SETD2: variants seen among roughly 807,000 people sequenced by gnomAD.
The protein encoded by SETD2 is SET domain containing 2, histone lysine methyltransferase, also known as histone-lysine N-methyltransferase SETD2.
SETD2 carries 31 observed loss-of-function variants against 242.1 expected under a neutral mutation model. The ratio of observed to expected loss-of-function variants is 0.13; its 90% CI spans 0.10 to 0.17. The LOEUF is 0.17. Ranked by LOEUF, SETD2 falls within the 10% of genes least tolerant of loss-of-function variation. The probability of loss-of-function intolerance (pLI) is 1.00; values close to 1 mark genes in which losing one functional copy is unlikely to be tolerated. For synonymous variants in SETD2, 1,006 were observed against 1,066.5 expected (o/e 0.94, Z 1.11); for missense variants, 2,481 against 3,046.3 (o/e 0.81, Z 4.37).
At chr3:47,125,084 C>G (rs544242309) in intron 2 of SETD2, among the ~76,000 whole-genome samples, 2 of 151,862 alleles carry the variant, frequency 1.3e-5, no homozygotes, top group Admixed American at 1.3e-4. Flanking sequence ...CTTGGGAGGC[C>G]GAGGCGGGAG....
intron 1 of SETD2, chr3:47,145,653 T>C: frequency 3.7e-6 from 1 of 267,606 alleles, no homozygotes; most frequent in Non-Finnish European, 8.1e-6. Flanking sequence ...TTTTGGAGCA[T>C]TTCAGATTTC....
Position 47,121,329 on chromosome 3 carries a change from C to T in SETD2, c.3307G>A (p.Asp1103Asn), listed in dbSNP as rs2043076525. Residue 1103 changes from aspartate (D) to asparagine (N), a missense_variant, in exon 3 of 21, where the codon GAT becomes AAT. Physicochemically the swap from Asp to Asn is conservative, Grantham distance 23. Around this residue, in one of 17 missense-constraint regions of SETD2, gnomAD observed 1,300 missense variants for 1,259.2 expected, o/e 1.03. Transcript: ENST00000409792. Reference sequence around the variant, plus strand: ...TGTCTCCTTGACTCCAATCTCTCATCTTCCCAATGGTCAGAATAGTGTCTA... The same window carrying T: ...TGTCTCCTTGACTCCAATCTCTCATTTTCCCAATGGTCAGAATAGTGTCTA... ...SYRHYSDHWE[D>N]ERLESRRHLY... 6.2e-7 allele frequency: 1 copy of T among 1,611,344 alleles called. No individual in the cohort carries two copies. Among genetic ancestry groups the T allele is most frequent in the Non-Finnish European group, 8.5e-7 (1 of 1,180,010 alleles).
intron 3 of SETD2, 67 bp from the exon 4 acceptor site, chr3:47,116,821 C>T: frequency 1.8e-6 from 2 of 1,112,004 alleles, no homozygotes; most frequent in South Asian, 1.4e-5. Context: ...CATATATAAT[C>T]AAATATGTGC....
In SETD2 at chr3:47,122,782, T is replaced by G. The variant is rs2043154023; in HGVS notation, c.1854A>C (p.Ser618=). Residue 618 remains serine (S), a synonymous_variant, in exon 3 of 21, where the codon TCA becomes TCC. Coordinates refer to ENST00000409792, the MANE Select transcript of SETD2 (RefSeq NM_014159.7). The part of the protein sequence containing the change: ...EREKAGSPAP[S]NRLNDSPTLK... ...AAGTAGGTGAATCATTTAATCGATTTGATGGAGCTGGAGACCCAGCCTTTT... is the reference window on the plus strand; with the variant it reads ...AAGTAGGTGAATCATTTAATCGATTGGATGGAGCTGGAGACCCAGCCTTTT... The G allele has an allele frequency of 6.2e-7, 1 of 1,611,360 alleles. No individual in the cohort carries two copies. Among genetic ancestry groups the G allele is most frequent in the Non-Finnish European group, 8.5e-7 (1 of 1,179,318 alleles).
At chr3:47,088,632 T>C (rs1028953954) in intron 9 of SETD2, among the ~76,000 whole-genome samples, 1 of 152,114 alleles carries the variant, frequency 6.6e-6, no homozygotes. Context: ...ATAAATATGA[T>C]GAATGGGTTT....
intron 12 of SETD2, among the ~76,000 whole-genome samples, chr3:47,076,330 T>C (rs553905574): frequency 4.5e-4 from 68 of 152,278 alleles, no homozygotes; most frequent in African/African-American, 1.6e-3. Flanking sequence ...TGGCCAGGCA[T>C]GCAAGCCACG....
intron 1 of SETD2, among the ~76,000 whole-genome samples, chr3:47,136,679 T>C (rs2043595993): frequency 6.6e-6 from 1 of 152,018 alleles, no homozygotes; most frequent in Non-Finnish European, 1.5e-5. Context: ...GGGGGCTGGG[T>C]GCCGTGGCTC....
At chr3:47,079,245 T>TA (rs1192074775) in intron 12 of SETD2, among the ~76,000 whole-genome samples, 2 of 152,252 alleles carry the variant, frequency 1.3e-5, no homozygotes, top group African/African-American at 4.8e-5. Context: ...ATGGTTACTA[T>TA]AAGACTTAAA....
chr3:47,100,260 T>A (rs895095016), intron 8 of SETD2, among the ~76,000 whole-genome samples: 1 of 150,878 alleles, frequency 6.6e-6, no homozygotes, highest in Admixed American at 6.6e-5. Context: ...AGTTTTTTGT[T>A]CGTTTGCTTT....
At position 47,039,919 on chromosome 3, in the gene SETD2, C is replaced by T. The variant is rs192778043; in HGVS notation, c.7239-2142G>A. Among the ~76,000 whole-genome samples the T allele has an allele frequency of 2.0e-3, 299 of 151,452 alleles. 3 individuals are homozygous for T. Among genetic ancestry groups the T allele is most frequent in the African/African-American group, 6.6e-3 (273 of 41,290 alleles). ...AAAAAAAAGTTCTGGTTAAACCACA[C>T]GTGGTTTTTAAAATCATTACACATT... On this transcript the variant is annotated intron_variant, in intron 17 of 20. Transcript: ENST00000409792.
chr3:47,098,874 G>A lies in SETD2; in HGVS notation c.5016-793C>T, dbSNP rs188306992. Among the ~76,000 whole-genome samples the A allele has an allele frequency of 1.7e-3, 266 of 152,212 alleles. 5 individuals are homozygous for A. Among genetic ancestry groups the A allele is most frequent in the Non-Finnish European group, 2.4e-4 (16 of 68,008 alleles). On this transcript the variant is annotated intron_variant, in intron 8 of 20. Transcript: ENST00000409792. The stretch of plus-strand genomic sequence containing the variant: ...AGGATATGATAGTGGCAATTAGAGG[G>A]ATAAAAATAAATTGTTCAATAAGTA...
intron 18 of SETD2, among the ~76,000 whole-genome samples, chr3:47,022,544 A>C (rs759804150): frequency 2.0e-5 from 3 of 152,210 alleles, no homozygotes; most frequent in Non-Finnish European, 4.4e-5. Context: ...ACCAGAGAAC[A>C]GGGTAGGGGC....
chr3:47,046,766 C>A, intron 15 of SETD2, 145 bp from the exon 16 acceptor site: 6 of 574,366 alleles, frequency 1.0e-5, no homozygotes, highest in Non-Finnish European at 1.0e-5. Context: ...ATGTGCAAAA[C>A]AATTTTTTGT....
chr3:47,110,707 A>G (rs754125714), intron 5 of SETD2, among the ~76,000 whole-genome samples: 3 of 152,206 alleles, frequency 2.0e-5, no homozygotes, highest in Non-Finnish European at 4.4e-5. Flanking sequence ...TTCATAAACT[A>G]TTGGTATTAC....
chr3:47,118,542 T>G (rs906095932), intron 3 of SETD2, among the ~76,000 whole-genome samples: 2 of 151,414 alleles, frequency 1.3e-5, no homozygotes, highest in Non-Finnish European at 2.9e-5. Context: ...GCCAACATGG[T>G]GAAACCCATC....
At chr3:47,053,962 A>G (rs1197218901) in intron 15 of SETD2, among the ~76,000 whole-genome samples, 2 of 152,248 alleles carry the variant, frequency 1.3e-5, no homozygotes, top group African/African-American at 4.8e-5. Flanking sequence ...CTCATTTTAT[A>G]GATGAGAAAA....
intron 14 of SETD2, among the ~76,000 whole-genome samples, chr3:47,058,190 G>C (rs1172917810): frequency 6.6e-6 from 1 of 151,950 alleles, no homozygotes; most frequent in Non-Finnish European, 1.5e-5. Context: ...TCAAAAATGA[G>C]GGAGAGGCCA....
chr3:47,079,347 T>C (rs2041232294), intron 12 of SETD2, among the ~76,000 whole-genome samples: 2 of 152,178 alleles, frequency 1.3e-5, no homozygotes, highest in African/African-American at 4.8e-5. Context: ...TGATCACTTC[T>C]AGCTTGGAAA....
At chr3:47,050,930 A>C (rs756899884) in intron 15 of SETD2, among the ~76,000 whole-genome samples, 1 of 151,486 alleles carries the variant, frequency 6.6e-6, no homozygotes, top group Non-Finnish European at 1.5e-5. Context: ...ACAAGGTTTC[A>C]CCATGTTGGC....
Sources: gnomAD v4.1 joint callset for allele counts (sites outside exome capture counted in the v4.1 genomes callset) on GRCh38, gnomAD v4.1.1 for gene constraint, gnomAD v4.1.1 regional missense constraint, MANE v1.5 for transcripts, NCBI Gene and HGNC (gene_info 2026-07-23, HGNC 2026-07-21) for gene names.